ARIH2: variants seen among roughly 807,000 people sequenced by gnomAD.
ARIH2 encodes ariadne RBR E3 ubiquitin protein ligase 2, also known as E3 ubiquitin-protein ligase ARIH2.
ARIH2 carries 12 observed loss-of-function variants against 79.8 expected under a neutral mutation model. That is an observed-to-expected ratio of 0.15 (90% CI 0.10 to 0.24). The LOEUF is 0.24. ARIH2 is among the 10% of genes least tolerant of loss of function. The pLI, the probability that ARIH2 is intolerant of heterozygous loss-of-function variation, is 1.00. For missense variants in ARIH2, 301 were observed against 618.3 expected, an observed-to-expected ratio of 0.49 and a Z score of 5.44; for synonymous variants, 224 against 213.9, an observed-to-expected ratio of 1.05 and a Z score of -0.41.
intron 3 of ARIH2, among the ~76,000 whole-genome samples, chr3:48,937,291 A>G (rs1052499299): frequency 4.6e-5 from 7 of 152,158 alleles, no homozygotes. Flanking sequence ...GCCTCTTTTT[A>G]CAAGAAATCT....
At chr3:48,919,157 C>A in intron 1 of ARIH2, 159 bp downstream of exon 1, 1 of 1,300,106 alleles carries the variant, frequency 7.7e-7, no homozygotes, top group South Asian at 3.0e-5. Context: ...CATTACCCGC[C>A]GTCAGCGGCC....
At chr3:48,940,154 C>T (rs942596187) in intron 3 of ARIH2, among the ~76,000 whole-genome samples, 8 of 151,976 alleles carry the variant, frequency 5.3e-5, no homozygotes, top group Non-Finnish European at 1.0e-4. Flanking sequence ...TGCAGTGAGC[C>T]AAGATCGCGC....
intron 2 of ARIH2, among the ~76,000 whole-genome samples, chr3:48,924,510 TTTTA>T (rs1463066924): frequency 6.6e-6 from 1 of 151,634 alleles, no homozygotes; most frequent in Non-Finnish European, 1.5e-5. Flanking sequence ...GCCTGTCTTA[TTTTA>T]TTTATTTGTT....
At chr3:48,972,749 A>T (rs2092307879) in intron 8 of ARIH2, among the ~76,000 whole-genome samples, 1 of 152,096 alleles carries the variant, frequency 6.6e-6, no homozygotes, top group African/African-American at 2.4e-5. Context: ...GGTCTCTCTC[A>T]GTTGTCCACG....
intron 3 of ARIH2, among the ~76,000 whole-genome samples, chr3:48,938,177 G>A (rs998382835): frequency 2.0e-5 from 3 of 152,072 alleles, no homozygotes; most frequent in Admixed American, 2.0e-4. Flanking sequence ...TAAATACAAT[G>A]TGGTTTAAAA....
intron 11 of ARIH2, among the ~76,000 whole-genome samples, chr3:48,976,217 T>A (rs1306321330): frequency 4.0e-5 from 6 of 151,372 alleles, no homozygotes. Context: ...TGTACTTTTT[T>A]TTTTTTTTTT....
intron 3 of ARIH2, among the ~76,000 whole-genome samples, chr3:48,930,995 AG>A (rs768099078): frequency 2.7e-4 from 41 of 152,282 alleles, no homozygotes; most frequent in Non-Finnish European, 5.1e-4. Context: ...TGTTGTGTCC[AG>A]GCAGTTGCAT....
At chr3:48,968,032 T>G (rs1015067419) in intron 6 of ARIH2, 1 of 153,442 alleles carries the variant, frequency 6.5e-6, no homozygotes, top group African/African-American at 2.4e-5. Flanking sequence ...TTTTTTTTTG[T>G]TTGTTTGTTT....
At chr3:48,926,008 G>A (rs1559710695) in intron 2 of ARIH2, among the ~76,000 whole-genome samples, 1 of 152,030 alleles carries the variant, frequency 6.6e-6, no homozygotes, top group South Asian at 2.1e-4. Context: ...GTGAGCCACC[G>A]CACCTGGCCT....
At chr3:48,931,886 G>A (rs1393336239) in intron 3 of ARIH2, among the ~76,000 whole-genome samples, 1 of 152,132 alleles carries the variant, frequency 6.6e-6, no homozygotes, top group Non-Finnish European at 1.5e-5. Context: ...GTGGGCACCT[G>A]TAGTCCCAGC....
chr3:48,970,702 C>G lies in ARIH2; in HGVS notation c.768C>G (p.Phe256Leu), dbSNP rs2092171306. The change falls in exon 8 of 16, where the codon TTC becomes TTG. Residue 256 changes from phenylalanine (F) to leucine (L), a missense_variant and splice_region_variant. By Grantham distance (22) the Phe-to-Leu change is conservative (BLOSUM62 0). Coordinates refer to ENST00000356401, the MANE Select transcript of ARIH2 (RefSeq NM_006321.4). ...RVQCNRCNEVFCFKCRQMYHA... is the reference protein window; with the variant it reads ...RVQCNRCNEVLCFKCRQMYHA... ...AGTGCAATCGGTGCAACGAGGTCTTCTGGTAAGAGTGAGTGTGAGTGCTGA... is the reference window on the plus strand; with the variant it reads ...AGTGCAATCGGTGCAACGAGGTCTTGTGGTAAGAGTGAGTGTGAGTGCTGA... 6.2e-7 allele frequency: 1 copy of G among 1,612,506 alleles called. No individual in the cohort carries two copies. The highest frequency in any genetic ancestry group is 1.3e-5 in the African/African-American group (1 of 74,880).
rs1460934692 is a variant in ARIH2 at position 48,983,834 on chromosome 3, T to C, written c.*564T>C. 6.3e-6 allele frequency: 1 copy of C among 158,466 alleles called. No homozygotes were observed. The highest frequency in any genetic ancestry group is 1.4e-5 in the Non-Finnish European group (1 of 72,092). The allele number at this position is 158,466 out of a possible 1,614,324, so 9.8% of individuals were successfully genotyped here. ...AGCATGGGTGGCAGATGGTAGGGAA[T>C]TGAACTGGCCTGTGCAATGGGCATG... On this transcript the variant is annotated 3_prime_UTR_variant, in exon 16 of 16. Transcript: ENST00000356401.
Position 48,919,017 on chromosome 3 carries a change from T to A in ARIH2, c.-162+19T>A. 1 of 1,423,944 alleles carries A rather than the reference T, an allele frequency of 7.0e-7. No homozygotes were observed. Among genetic ancestry groups the A allele is most frequent in the Non-Finnish European group, 9.1e-7 (1 of 1,094,920 alleles). 88.2% of individuals were successfully genotyped at this position (1,423,944 alleles called of 1,614,324 possible). A position where few individuals can be genotyped will look rare whatever the true frequency, so the allele number is the denominator to read the frequency against. On this transcript the variant is annotated intron_variant, in intron 1 of 15. Coordinates refer to ENST00000356401, the MANE Select transcript of ARIH2 (RefSeq NM_006321.4). Reference sequence around the variant, plus strand: ...GCTCCCGGTAAGTGCGCGGCGCACGTCACGGCCTTGTTTACCTTGGCTGGC... The same window carrying A: ...GCTCCCGGTAAGTGCGCGGCGCACGACACGGCCTTGTTTACCTTGGCTGGC...
At chr3:48,927,291 T>G in intron 2 of ARIH2, 171 bp from the exon 3 acceptor site, 1 of 403,230 alleles carries the variant, frequency 2.5e-6, no homozygotes. Context: ...GGATTTCCCT[T>G]TTATAAGCCT....
chr3:48,940,509 G>T lies in ARIH2; in HGVS notation c.255+12696G>T, dbSNP rs527420050. Reference sequence around the variant, plus strand: ...GAGGTCAGTGTTGCGAGAAGTCAGGGACCCTAAATGGAGGGACCGGCTGAA... The same window carrying T: ...GAGGTCAGTGTTGCGAGAAGTCAGGTACCCTAAATGGAGGGACCGGCTGAA... On this transcript the variant is annotated intron_variant, in intron 3 of 15. Coordinates refer to ENST00000356401, the MANE Select transcript of ARIH2 (RefSeq NM_006321.4). 2.0e-5 allele frequency among the ~76,000 whole-genome samples: 3 copies of T among 151,818 alleles called. No homozygotes were observed. In the East Asian group the frequency reaches 5.9e-4, roughly 30 times the overall value.
chr3:48,936,942 G>A (rs546222444), intron 3 of ARIH2, among the ~76,000 whole-genome samples: 2 of 149,664 alleles, frequency 1.3e-5, no homozygotes, highest in South Asian at 4.2e-4. Flanking sequence ...GCAGGAGAAT[G>A]GCGTGAACCC....
At chr3:48,934,762 T>G in intron 3 of ARIH2, 1 of 985,432 alleles carries the variant, frequency 1.0e-6, no homozygotes, top group Non-Finnish European at 1.2e-6. Context: ...TGCAAAGATG[T>G]CCTTGTCTTG....
intron 3 of ARIH2, among the ~76,000 whole-genome samples, chr3:48,936,166 G>T (rs73082321): frequency 6.6e-6 from 1 of 151,596 alleles, no homozygotes; most frequent in Non-Finnish European, 1.5e-5. Flanking sequence ...AGACACCTCC[G>T]TACTTTAATT....
chr3:48,947,106 A>G (rs2089265726), intron 3 of ARIH2, among the ~76,000 whole-genome samples: 1 of 152,150 alleles, frequency 6.6e-6, no homozygotes. Flanking sequence ...GGAGCAGAAC[A>G]TCCGGTGAAA....
Sources: allele counts gnomAD v4.1 joint callset (sites outside exome capture counted in the v4.1 genomes callset), GRCh38; gene constraint gnomAD v4.1.1; transcripts MANE v1.5; gene names NCBI Gene and HGNC (gene_info 2026-07-23, HGNC 2026-07-21).